The following LRRC37A2 variants were observed in gnomAD, a reference collection of about 807,000 sequenced individuals.
The protein encoded by LRRC37A2 is leucine-rich repeat-containing protein 37A2.
Under a neutral mutation model 68.8 loss-of-function variants are expected in LRRC37A2, and 9 were observed. That is an observed-to-expected ratio of 0.13 (90% CI 0.08 to 0.23). The LOEUF is 0.23. LRRC37A2 is among the 10% of genes least tolerant of loss of function. LRRC37A2 has a pLI of 1.00. For synonymous variants in LRRC37A2, 63 were observed against 367.6 expected (o/e 0.17, Z 9.48); for missense variants, 168 against 950.4 (o/e 0.18, Z 10.82).
chr17:46,713,081 A>G, the LRRC37A2 span: 1 of 152,304 alleles, frequency 6.6e-6, no homozygotes, highest in Non-Finnish European at 1.5e-5. Flanking sequence ...TACATAGGCA[A>G]GTTCCATTTT....
At chr17:46,928,463 C>CA in the LRRC37A2 span, among the ~76,000 whole-genome samples, 1 of 152,086 alleles carries the variant, frequency 6.6e-6, no homozygotes, top group African/African-American at 2.4e-5. Flanking sequence ...CCGTGAGCAC[C>CA]GGGAAGTGGA....
At chr17:46,913,324 G>A in the LRRC37A2 span, among the ~76,000 whole-genome samples, 1 of 152,236 alleles carries the variant, frequency 6.6e-6, no homozygotes, top group Admixed American at 6.5e-5. Flanking sequence ...ACCAGGAAAT[G>A]CAGGGATGTA....
the LRRC37A2 span, among the ~76,000 whole-genome samples, chr17:46,841,501 C>T: frequency 6.2e-4 from 94 of 152,360 alleles, no homozygotes; most frequent in African/African-American, 2.2e-3. Context: ...CCCTGGTCCT[C>T]AAGGTCGTGC....
chr17:46,789,989 C>T, the LRRC37A2 span, among the ~76,000 whole-genome samples: 1 of 152,148 alleles, frequency 6.6e-6, no homozygotes, highest in African/African-American at 2.4e-5. Flanking sequence ...CAGGTGAAGA[C>T]AGCCCTGCCC....
chr17:47,000,003 TA>T, the LRRC37A2 span, among the ~76,000 whole-genome samples: 3 of 8,522 alleles, frequency 3.5e-4, no homozygotes, highest in African/African-American at 3.5e-4. Flanking sequence ...CATCTCAAAA[TA>T]AAATAAAATA....
chr17:46,797,186 G>A, the LRRC37A2 span, among the ~76,000 whole-genome samples: 5 of 152,310 alleles, frequency 3.3e-5, no homozygotes, highest in East Asian at 9.6e-4. Flanking sequence ...CGATTCTTAA[G>A]TTTATTTGAC....
the LRRC37A2 span, among the ~76,000 whole-genome samples, chr17:46,797,486 G>T: frequency 6.6e-6 from 1 of 152,248 alleles, no homozygotes; most frequent in Non-Finnish European, 1.5e-5. Flanking sequence ...GTCCTCAGGA[G>T]TGGGCTTGCC....
the LRRC37A2 span, among the ~76,000 whole-genome samples, chr17:46,657,685 A>G: frequency 8.8e-6 from 1 of 113,024 alleles, no homozygotes; most frequent in Non-Finnish European, 1.8e-5. Flanking sequence ...GGCTCCTCAT[A>G]GCCCTTTTTA....
At chr17:46,613,071 C>A in the LRRC37A2 span, among the ~76,000 whole-genome samples, 1 of 14,762 alleles carries the variant, frequency 6.8e-5, no homozygotes. Flanking sequence ...AGGTCAAGAC[C>A]AGCCTGGGCA....
the LRRC37A2 span, chr17:46,768,573 C>T: frequency 1.2e-6 from 2 of 1,614,204 alleles, no homozygotes; most frequent in Non-Finnish European, 1.7e-6. The surrounding 1 kb of genome is among the most constrained non-coding windows in gnomAD (Gnocchi z 5.0). Context: ...GACCAGGTCC[C>T]TCTCCGTGGG....
chr17:46,754,604 C>T, the LRRC37A2 span, among the ~76,000 whole-genome samples: 22 of 152,180 alleles, frequency 1.4e-4, no homozygotes, highest in African/African-American at 4.3e-4. Flanking sequence ...GTACATTTAA[C>T]GAGTTAGTAT....
At chr17:47,033,158 A>C in the LRRC37A2 span, 1 of 582,378 alleles carries the variant, frequency 1.7e-6, no homozygotes. Flanking sequence ...TGGAGTTTGC[A>C]GTGAGCCAAG....
chr17:46,939,035 G>A, the LRRC37A2 span: 369 of 1,245,888 alleles, frequency 3.0e-4, 2 homozygotes, highest in African/African-American at 5.4e-3. Flanking sequence ...GGGAGGGAAA[G>A]AATGGCTTTG....
chr17:46,835,432 C>G, the LRRC37A2 span, among the ~76,000 whole-genome samples: 1 of 152,154 alleles, frequency 6.6e-6, no homozygotes, highest in Admixed American at 6.5e-5. Context: ...AGGATGGTAT[C>G]GATCTCCTGA....
At chr17:46,851,618 G>A in the LRRC37A2 span, 290 of 1,245,680 alleles carry the variant, frequency 2.3e-4, 6 homozygotes, top group South Asian at 7.8e-3. The surrounding 1 kb of genome is among the most constrained non-coding windows in gnomAD (Gnocchi z 4.3). Context: ...AGATGCTAGA[G>A]GGCGCAGCGC....
At chr17:46,712,511 A>G in the LRRC37A2 span, among the ~76,000 whole-genome samples, 2 of 152,208 alleles carry the variant, frequency 1.3e-5, no homozygotes, top group African/African-American at 4.8e-5. Flanking sequence ...CACTAATGGA[A>G]AGCAGATTTC....
the LRRC37A2 span, among the ~76,000 whole-genome samples, chr17:46,816,119 A>ACACACACACACACACACG: frequency 2.5e-4 from 37 of 150,662 alleles, no homozygotes; most frequent in Non-Finnish European, 4.0e-4. Flanking sequence ...ACGTACACAC[A>ACACACACACACACACACG]CACACACACA....
the LRRC37A2 span, among the ~76,000 whole-genome samples, chr17:46,925,959 G>A: frequency 5.3e-5 from 8 of 152,118 alleles, no homozygotes; most frequent in Admixed American, 4.6e-4. Flanking sequence ...AGATCCCAAT[G>A]GTTGTAAAGG....
the LRRC37A2 span, among the ~76,000 whole-genome samples, chr17:46,904,594 G>T: frequency 1.3e-5 from 2 of 152,066 alleles, no homozygotes; most frequent in African/African-American, 4.8e-5. Flanking sequence ...ATGGGAAGAT[G>T]TGCAGGTGAG....
Sources: allele counts gnomAD v4.1 joint callset (sites outside exome capture counted in the v4.1 genomes callset), GRCh38; gene constraint gnomAD v4.1.1; non-coding constraint Gnocchi (gnomAD v3.1); transcripts MANE v1.5; gene names NCBI Gene and HGNC (gene_info 2026-07-23, HGNC 2026-07-21).